The following ANKRD20A1 variants were observed in gnomAD, a reference collection of about 807,000 sequenced individuals.
ANKRD20A1 encodes ankyrin repeat domain 20 family member A1.
In ANKRD20A1, 2 loss-of-function variants were observed where a neutral mutation model predicts 50.9. The observed-to-expected ratio is 0.04, with a 90% CI of 0.02 to 0.12. The LOEUF is 0.12. Among genes scored for constraint, ANKRD20A1 ranks in the 10% least tolerant of loss-of-function variants. The pLI is 1.00. For synonymous variants in ANKRD20A1, 10 were observed against 186.2 expected (o/e 0.05, Z 7.70); for missense variants, 31 against 548.1 (o/e 0.06, Z 9.42).
intron 9 of ANKRD20A1, among the ~76,000 whole-genome samples, chr9:67,884,788 G>A (rs1161778774): frequency 5.3e-5 from 8 of 151,154 alleles, no homozygotes; most frequent in Non-Finnish European, 7.4e-5. Flanking sequence ...TACTCAGGAG[G>A]CTGAGGCAGG....
chr9:67,881,138 G>T (rs1316464612), intron 8 of ANKRD20A1, among the ~76,000 whole-genome samples: 5 of 150,640 alleles, frequency 3.3e-5, no homozygotes, highest in African/African-American at 1.2e-4. Context: ...AAATAACTGA[G>T]TGTGGTGGTG....
rs535491834 is a variant in ANKRD20A1 at position 67,882,419 on chromosome 9, A to C, written c.894+1874A>C. Among the ~76,000 whole-genome samples, 3 of 139,102 alleles carry C rather than the reference A, an allele frequency of 2.2e-5. No individual in the cohort carries two copies. The South Asian group carries it at 7.3e-4, about 34-fold the overall frequency. The allele number at this position is 139,102 out of a possible 152,430, so 91.3% of individuals were successfully genotyped here. On this transcript the variant is annotated intron_variant, in intron 8 of 14. Transcript: ENST00000562196. ...GCTTACATTGTATTTTTTAATATTT[A>C]AGGGTGTATAAGTTTTGATATGTTA...
chr9:67,868,003 G>A lies in ANKRD20A1; in HGVS notation c.600-426G>A, dbSNP rs551726466. Among the ~76,000 whole-genome samples the A allele has an allele frequency of 8.5e-4, 107 of 125,394 alleles. 1 individual carries two copies. The highest frequency in any genetic ancestry group is 2.8e-3 in the African/African-American group (102 of 35,884). 82.3% of individuals were successfully genotyped at this position (125,394 alleles called of 152,430 possible). A position where few individuals can be genotyped will look rare whatever the true frequency, so the allele number is the denominator to read the frequency against. On this transcript the variant is annotated intron_variant, in intron 4 of 14. Coordinates refer to ENST00000562196, the MANE Select transcript of ANKRD20A1 (RefSeq NM_032250.5). The stretch of plus-strand genomic sequence containing the variant: ...GCGGACTTTTAGTTTATGACTACTA[G>A]CATTGTCATTATTATTATTGTTGTT...
At chr9:67,884,868 C>T (rs1251745361) in intron 9 of ANKRD20A1, among the ~76,000 whole-genome samples, 37 of 151,116 alleles carry the variant, frequency 2.4e-4, no homozygotes, top group Non-Finnish European at 4.4e-4. Context: ...CCACCCTGGG[C>T]GACAGAGCGA....
chr9:67,897,943 A>AT (rs1828024592), intron 13 of ANKRD20A1, among the ~76,000 whole-genome samples: 1 of 83,396 alleles, frequency 1.2e-5, no homozygotes, highest in Non-Finnish European at 2.6e-5. Flanking sequence ...TGCCCGGCTA[A>AT]TTTTTTGTAT....
At chr9:67,865,709 C>A (rs1827554448) in intron 3 of ANKRD20A1, among the ~76,000 whole-genome samples, 1 of 110,088 alleles carries the variant, frequency 9.1e-6, no homozygotes, top group African/African-American at 3.0e-5. Flanking sequence ...CAGAAGTTGC[C>A]CCTTTATAGA....
At chr9:67,866,997 A>C (rs28709178) in intron 3 of ANKRD20A1, among the ~76,000 whole-genome samples, 285 of 9,094 alleles carry the variant, frequency 0.031, 17 homozygotes, top group African/African-American at 0.069. Flanking sequence ...ATGTACCATG[A>C]TAAGTGCTGT....
chr9:67,881,297 T>C (rs1827790373), intron 8 of ANKRD20A1, among the ~76,000 whole-genome samples: 1 of 144,204 alleles, frequency 6.9e-6, no homozygotes, highest in Non-Finnish European at 1.5e-5. Context: ...TCAAAATGTG[T>C]ATTGCAAAGG....
At chr9:67,893,877 T>G (rs1395033742) in intron 12 of ANKRD20A1, among the ~76,000 whole-genome samples, 3 of 152,294 alleles carry the variant, frequency 2.0e-5, no homozygotes, top group African/African-American at 7.2e-5. Flanking sequence ...TGTGAACAAT[T>G]TAACAATGAT....
At chr9:67,882,363 G>T (rs7860498) in intron 8 of ANKRD20A1, among the ~76,000 whole-genome samples, 117,436 of 147,608 alleles carry the variant, frequency 0.8, 43,728 homozygotes, top group East Asian at 0.95. Context: ...ACCTAATGTA[G>T]CTAATAATTA....
chr9:67,881,538 C>A (rs1352911044), intron 8 of ANKRD20A1, among the ~76,000 whole-genome samples: 2 of 151,844 alleles, frequency 1.3e-5, no homozygotes, highest in Non-Finnish European at 2.9e-5. Context: ...AGGCCGAGGT[C>A]GGTAGATCAC....
intron 9 of ANKRD20A1, among the ~76,000 whole-genome samples, 185 bp downstream of exon 9, chr9:67,884,755 T>C (rs1486333600): frequency 1.3e-5 from 2 of 150,632 alleles, no homozygotes; most frequent in East Asian, 2.0e-4. Context: ...CCAGGTGTTG[T>C]TGTGGGCGCC....
At chr9:67,871,466 A>C (rs1277105175) in intron 6 of ANKRD20A1, among the ~76,000 whole-genome samples, 1 of 138,424 alleles carries the variant, frequency 7.2e-6, no homozygotes, top group Non-Finnish European at 1.6e-5. Flanking sequence ...TATTGTCTGA[A>C]AACATTCATT....
At chr9:67,882,446 G>A (rs1247727174) in intron 8 of ANKRD20A1, among the ~76,000 whole-genome samples, 87 of 140,966 alleles carry the variant, frequency 6.2e-4, no homozygotes, top group Middle Eastern at 3.6e-3. Flanking sequence ...GATATGTTAT[G>A]TTGAGAAATT....
rs1828000003 is a variant in ANKRD20A1 at position 67,896,307 on chromosome 9, A to G, written c.1153-1252A>G. On this transcript the variant is annotated intron_variant, in intron 12 of 14. Transcript: ENST00000562196. The stretch of plus-strand genomic sequence containing the variant: ...TGTTTAATGTGTTTTCATGCATGCA[A>G]GTTTATCTGCTTAGCTCAAACTGTT... Among the ~76,000 whole-genome samples the G allele has an allele frequency of 2.5e-5, 2 of 78,850 alleles. 1 individual carries two copies. The highest frequency in any genetic ancestry group is 5.5e-5 in the Non-Finnish European group (2 of 36,110). The allele number at this position is 78,850 out of a possible 152,430, so 51.7% of individuals were successfully genotyped here.
intron 11 of ANKRD20A1, among the ~76,000 whole-genome samples, chr9:67,891,365 A>C (rs1827944930): frequency 8.0e-6 from 1 of 124,398 alleles, no homozygotes; most frequent in East Asian, 3.1e-4. Flanking sequence ...TTTCCTTGGC[A>C]CAGTAAAACT....
At chr9:67,867,623 T>C (rs1439947129) in intron 4 of ANKRD20A1, among the ~76,000 whole-genome samples, 3 of 152,232 alleles carry the variant, frequency 2.0e-5, no homozygotes, top group Non-Finnish European at 4.4e-5. Flanking sequence ...TTTGGTACTG[T>C]AATCTTTTAT....
At chr9:67,884,736 A>G (rs1202432835) in intron 9 of ANKRD20A1, among the ~76,000 whole-genome samples, 166 bp downstream of exon 9, 1 of 149,934 alleles carries the variant, frequency 6.7e-6, no homozygotes, top group Non-Finnish European at 1.5e-5. Context: ...TAAAAATACA[A>G]AAAACTAGCC....
rs1827494722 is a variant in ANKRD20A1, at chr9:67,860,659, A to C, written c.203+1030A>C. 2 of 31,866 alleles carry C rather than the reference A, an allele frequency of 6.3e-5. 1 individual carries two copies. The highest frequency in any genetic ancestry group is 1.2e-4 in the Non-Finnish European group (2 of 16,952). 2.0% of individuals were successfully genotyped at this position (31,866 alleles called of 1,614,324 possible). A position where few individuals can be genotyped will look rare whatever the true frequency, so the allele number is the denominator to read the frequency against. ...GAGGATGTTTTATACTGCTGCTTAAAGTTGCTGATTACTTTTCAAAGTACT... is the reference window on the plus strand; with the variant it reads ...GAGGATGTTTTATACTGCTGCTTAACGTTGCTGATTACTTTTCAAAGTACT... On this transcript the variant is annotated intron_variant, in intron 1 of 14. Coordinates refer to ENST00000562196, the MANE Select transcript of ANKRD20A1 (RefSeq NM_032250.5).
Sources: allele counts gnomAD v4.1 joint callset (sites outside exome capture counted in the v4.1 genomes callset), GRCh38; gene constraint gnomAD v4.1.1; transcripts MANE v1.5; gene names NCBI Gene and HGNC (gene_info 2026-07-23, HGNC 2026-07-21).